Variants in HOMER2 observed in about 807,000 individuals in gnomAD.
HOMER2 encodes the protein homer protein homolog 2.
Under a neutral mutation model 47.0 loss-of-function variants are expected in HOMER2, and 27 were observed. The ratio of observed to expected loss-of-function variants is 0.57; its 90% CI spans 0.42 to 0.79. HOMER2 has a LOEUF of 0.79. HOMER2 is among the 30% of genes least tolerant of loss of function. The probability of loss-of-function intolerance (pLI) is 0.00; values close to 1 mark genes in which losing one functional copy is unlikely to be tolerated. For synonymous variants in HOMER2, 161 were observed against 163.8 expected (o/e 0.98, Z 0.13); for missense variants, 443 against 435.0 (o/e 1.02, Z -0.16).
In HOMER2 at chr15:82,849,739, G is replaced by A. The variant is rs1033562420; in HGVS notation, c.1008C>T (p.Leu336=). The change falls in exon 9 of 9, where the codon CTC becomes CTT. Residue 336 remains leucine, a synonymous_variant. Coordinates refer to ENST00000450735, the MANE Select transcript of HOMER2 (RefSeq NM_004839.4). ...CCTAGTTATCGGTGCCCAGCTTGGA[G>A]AGCCCTCGGCGGAAGTCATGCAGGT... ...IDDLHDFRRG[L]SKLGTDN The A allele has an allele frequency of 5.6e-6, 9 of 1,613,668 alleles. No homozygotes were observed. The highest frequency in any genetic ancestry group is 1.7e-6 in the Non-Finnish European group (2 of 1,179,780).
intron 1 of HOMER2, among the ~76,000 whole-genome samples, chr15:82,939,960 C>T (rs1018264357): frequency 5.9e-5 from 9 of 152,072 alleles, no homozygotes; most frequent in Non-Finnish European, 8.8e-5. Context: ...AGCAAACTGT[C>T]GCAAGGACAG....
intron 1 of HOMER2, among the ~76,000 whole-genome samples, chr15:82,977,043 A>C (rs763247219): frequency 2.6e-5 from 4 of 152,088 alleles, no homozygotes; most frequent in Non-Finnish European, 2.9e-5. Flanking sequence ...ATTGTATAGC[A>C]ATGTTTGTGG....
intron 1 of HOMER2, among the ~76,000 whole-genome samples, chr15:82,927,052 A>C (rs546025287): frequency 1.3e-5 from 2 of 152,208 alleles, no homozygotes; most frequent in South Asian, 4.1e-4. Flanking sequence ...CACCCCAACA[A>C]AGTCCCCACC....
chr15:82,877,615 A>G (rs1239221260), intron 2 of HOMER2, among the ~76,000 whole-genome samples: 1 of 152,208 alleles, frequency 6.6e-6, no homozygotes, highest in Non-Finnish European at 1.5e-5. Flanking sequence ...TTTATACACG[A>G]TGAAGGAAAC....
intron 1 of HOMER2, among the ~76,000 whole-genome samples, chr15:82,894,488 G>A (rs981504944): frequency 5.9e-5 from 9 of 151,788 alleles, no homozygotes; most frequent in Non-Finnish European, 1.2e-4. Flanking sequence ...TGGCTAACAC[G>A]GTGAAGCCCC....
chr15:82,950,125 T>C (rs2054474744), intron 1 of HOMER2, among the ~76,000 whole-genome samples: 1 of 152,036 alleles, frequency 6.6e-6, no homozygotes, highest in Non-Finnish European at 1.5e-5. Context: ...AATGAAGACA[T>C]TCCCTTGGTC....
chr15:82,968,508 C>T (rs554306343), intron 1 of HOMER2, among the ~76,000 whole-genome samples: 2 of 152,350 alleles, frequency 1.3e-5, no homozygotes, highest in South Asian at 4.1e-4. Flanking sequence ...TCTCACCCCT[C>T]TTCCCCAGCA....
At chr15:82,853,551 G>C (rs889018853) in intron 6 of HOMER2, among the ~76,000 whole-genome samples, 4 of 152,186 alleles carry the variant, frequency 2.6e-5, no homozygotes, top group Admixed American at 2.6e-4. Context: ...AGGGGGTCAA[G>C]GGGGAGTGAA....
chr15:82,841,176 TCTA>T (rs914010944), exon 2 of HOMER2: 8 of 152,218 alleles, frequency 5.3e-5, no homozygotes, highest in Middle Eastern at 3.4e-3. Flanking sequence ...AAAATAAAAA[TCTA>T]CTATGGACCA....
chr15:82,857,799 T>A (rs999906726), intron 5 of HOMER2, among the ~76,000 whole-genome samples: 2 of 152,152 alleles, frequency 1.3e-5, no homozygotes, highest in African/African-American at 2.4e-5. Flanking sequence ...GGGGAAAGCC[T>A]GCTGAACCCC....
intron 1 of HOMER2, among the ~76,000 whole-genome samples, chr15:82,978,465 G>T (rs959777041): frequency 6.6e-6 from 1 of 152,190 alleles, no homozygotes; most frequent in Non-Finnish European, 1.5e-5. Flanking sequence ...AGGTAGACCA[G>T]AGTGGGGAGG....
At chr15:82,971,318 C>G (rs1035251798) in intron 1 of HOMER2, among the ~76,000 whole-genome samples, 1 of 152,014 alleles carries the variant, frequency 6.6e-6, no homozygotes, top group Non-Finnish European at 1.5e-5. Flanking sequence ...GGGCATGGCT[C>G]GTTTCTAACA....
intron 1 of HOMER2, among the ~76,000 whole-genome samples, chr15:82,895,233 G>C (rs547665794): frequency 2.0e-5 from 3 of 152,286 alleles, no homozygotes; most frequent in East Asian, 3.9e-4. Context: ...TGGATTACTA[G>C]GGCATTTTTA....
At chr15:82,900,888 T>C (rs780102921) in intron 1 of HOMER2, among the ~76,000 whole-genome samples, 2 of 152,216 alleles carry the variant, frequency 1.3e-5, no homozygotes, top group Non-Finnish European at 2.9e-5. Flanking sequence ...AGTGATCTGA[T>C]AGAAGAAATA....
chr15:82,946,786 T>C (rs2054393136), intron 1 of HOMER2, among the ~76,000 whole-genome samples: 1 of 152,226 alleles, frequency 6.6e-6, no homozygotes, highest in South Asian at 2.1e-4. Context: ...ATTTAGTGCC[T>C]ACTCCATTCC....
intron 2 of HOMER2, among the ~76,000 whole-genome samples, chr15:82,880,608 G>A (rs1264745648): frequency 6.6e-6 from 1 of 152,198 alleles, no homozygotes; most frequent in Admixed American, 6.5e-5. Flanking sequence ...CTAATCTTCA[G>A]AGTGGGCAGA....
chr15:82,934,486 C>G (rs2054094525), intron 1 of HOMER2, among the ~76,000 whole-genome samples: 1 of 152,164 alleles, frequency 6.6e-6, no homozygotes, highest in African/African-American at 2.4e-5. Context: ...GCTTCCCGCC[C>G]ACACCACCCA....
intron 1 of HOMER2, among the ~76,000 whole-genome samples, chr15:82,964,630 G>A (rs888339276): frequency 2.0e-5 from 3 of 152,186 alleles, no homozygotes; most frequent in Non-Finnish European, 4.4e-5. Flanking sequence ...ACCGGGCGCA[G>A]TGGTTTGCAC....
At chr15:82,967,554 G>A (rs540723453) in intron 1 of HOMER2, among the ~76,000 whole-genome samples, 14 of 152,114 alleles carry the variant, frequency 9.2e-5, no homozygotes, top group Non-Finnish European at 1.0e-4. Flanking sequence ...TTCTACTTCT[G>A]CATATGTTTG....
Sources: allele counts gnomAD v4.1 joint callset (sites outside exome capture counted in the v4.1 genomes callset), GRCh38; gene constraint gnomAD v4.1.1; transcripts MANE v1.5; gene names NCBI Gene and HGNC (gene_info 2026-07-23, HGNC 2026-07-21).